The following MCTP1 variants were observed in gnomAD, a reference collection of about 807,000 sequenced individuals.
MCTP1 encodes multiple C2 and transmembrane domain-containing protein 1.
In MCTP1, 69 loss-of-function variants were observed where a neutral mutation model predicts 120.6. The observed-to-expected ratio is 0.57, with a 90% CI of 0.47 to 0.70. The LOEUF (loss-of-function observed/expected upper bound fraction) is 0.70, where lower values mean the gene tolerates loss of function less well. MCTP1 is among the 30% of genes least tolerant of loss of function. The pLI, the probability that MCTP1 is intolerant of heterozygous loss-of-function variation, is 0.00. For synonymous variants in MCTP1, 529 were observed against 493.1 expected (o/e 1.07, Z -0.96); for missense variants, 1,203 against 1,248.8 (o/e 0.96, Z 0.55).
chr5:95,272,009 T>C (rs1197647925), intron 1 of MCTP1, among the ~76,000 whole-genome samples: 1 of 152,170 alleles, frequency 6.6e-6, no homozygotes, highest in Non-Finnish European at 1.5e-5. Context: ...TTAAATGTAA[T>C]ACTATTACTT....
chr5:94,940,226 G>T, intron 4 of MCTP1, 31 bp from the exon 5 acceptor site: 2 of 1,293,826 alleles, frequency 1.5e-6, no homozygotes, highest in Non-Finnish European at 2.2e-6. Context: ...ATTTTGAACA[G>T]TCATTAAATG....
intron 1 of MCTP1, among the ~76,000 whole-genome samples, chr5:95,234,331 G>T (rs999832735): frequency 6.6e-6 from 1 of 152,148 alleles, no homozygotes; most frequent in Non-Finnish European, 1.5e-5. Flanking sequence ...ATTCCAAAGG[G>T]TAATAACCCA....
At chr5:95,148,085 T>C (rs1335257468) in intron 1 of MCTP1, among the ~76,000 whole-genome samples, 1 of 152,172 alleles carries the variant, frequency 6.6e-6, no homozygotes, top group Admixed American at 6.5e-5. Context: ...CCTATTGGGG[T>C]TCCTTTTGTA....
At chr5:94,778,608 C>T (rs1362258033) in intron 19 of MCTP1, among the ~76,000 whole-genome samples, 1 of 152,168 alleles carries the variant, frequency 6.6e-6, no homozygotes, top group African/African-American at 2.4e-5. Context: ...CCATTCCAAA[C>T]CTCGGCAAGG....
intron 1 of MCTP1, among the ~76,000 whole-genome samples, chr5:95,126,002 C>T (rs1022340552): frequency 3.9e-5 from 6 of 152,164 alleles, no homozygotes; most frequent in African/African-American, 1.2e-4. Flanking sequence ...AACTTTCTTT[C>T]GTGCCTCTTT....
In MCTP1 at chr5:94,909,253, G is replaced by T. The variant is rs1464383694; in HGVS notation, c.1650C>A (p.Gly550=). ...KDAGKRDDFI[G]RCQVDLSALS... Reference sequence around the variant, plus strand: ...CAAAAATTACAAATTGCACAAACCTGCCAATGAAATCATCCCTTTTCCCAG... The same window carrying T: ...CAAAAATTACAAATTGCACAAACCTTCCAATGAAATCATCCCTTTTCCCAG... The change falls in exon 10 of 23, where the codon GGC becomes GGA. Residue 550 remains glycine (G), a splice_region_variant and synonymous_variant. Transcript: ENST00000515393. 1.2e-6 allele frequency: 2 copies of T among 1,611,730 alleles called. No individual in the cohort carries two copies. The highest frequency in any genetic ancestry group is 4.5e-5 in the East Asian group (2 of 44,758).
chr5:94,708,587 C>CT lies in MCTP1; in HGVS notation c.2852dup (p.Leu952AlafsTer8). 1.9e-6 allele frequency: 3 copies of CT among 1,609,900 alleles called. No individual in the cohort carries two copies. Among genetic ancestry groups the CT allele is most frequent in the Middle Eastern group, 1.7e-4 (1 of 6,034 alleles). ...TATCAATTGCATATGGACTCCGAAG[C>CT]TTTTTTGTAAATTTATTGATGCCTG... On this transcript the variant is annotated frameshift_variant, in exon 22 of 23. Coordinates refer to ENST00000515393, the MANE Select transcript of MCTP1 (RefSeq NM_024717.7). LOFTEE classifies it high-confidence loss of function.
At chr5:94,883,262 G>A (rs548500327) in intron 12 of MCTP1, among the ~76,000 whole-genome samples, 1 of 152,246 alleles carries the variant, frequency 6.6e-6, no homozygotes, top group South Asian at 2.1e-4. Context: ...AGCAGGTGTT[G>A]TATATTTCTG....
At position 94,793,105 on chromosome 5, in the gene MCTP1, C is replaced by T. The variant is rs144199798; in HGVS notation, c.2556+5908G>A. 4.9e-3 allele frequency among the ~76,000 whole-genome samples: 752 copies of T among 152,164 alleles called. 3 individuals are homozygous for T. The highest frequency in any genetic ancestry group is 0.017 in the Middle Eastern group (5 of 294). Reference sequence around the variant, plus strand: ...GCAAAGTGGAAGGCCTGGTCATCTACTGAGAGGGAGGGGACAGTGGTGGGG... The same window carrying T: ...GCAAAGTGGAAGGCCTGGTCATCTATTGAGAGGGAGGGGACAGTGGTGGGG... On this transcript the variant is annotated intron_variant, in intron 18 of 22. Coordinates refer to ENST00000515393, the MANE Select transcript of MCTP1 (RefSeq NM_024717.7).
chr5:95,105,063 T>TA (rs1297657724), intron 1 of MCTP1, among the ~76,000 whole-genome samples: 2 of 152,180 alleles, frequency 1.3e-5, no homozygotes, highest in African/African-American at 2.4e-5. Context: ...AGTAGGCCTA[T>TA]AACAATCCAT....
At chr5:94,810,450 G>A (rs1783165950) in intron 17 of MCTP1, among the ~76,000 whole-genome samples, 1 of 152,096 alleles carries the variant, frequency 6.6e-6, no homozygotes, top group African/African-American at 2.4e-5. Context: ...GCAACAGCTG[G>A]CACTTCAGTT....
At chr5:94,787,426 C>G (rs1259078232) in intron 18 of MCTP1, among the ~76,000 whole-genome samples, 1 of 152,038 alleles carries the variant, frequency 6.6e-6, no homozygotes, top group East Asian at 1.9e-4. Flanking sequence ...TGTGGCAATG[C>G]TATTATCTTT....
At chr5:95,127,637 G>C (rs1159874671) in intron 1 of MCTP1, among the ~76,000 whole-genome samples, 2 of 152,122 alleles carry the variant, frequency 1.3e-5, no homozygotes, top group Admixed American at 1.3e-4. Context: ...GTGAATGCAG[G>C]GGTCAGTGTC....
At chr5:94,923,617 T>C (rs1372136676) in intron 7 of MCTP1, among the ~76,000 whole-genome samples, 1 of 152,126 alleles carries the variant, frequency 6.6e-6, no homozygotes, top group East Asian at 1.9e-4. Context: ...AATTCTAATC[T>C]CATTTTACAA....
chr5:94,800,449 G>A (rs1245006457), intron 17 of MCTP1, among the ~76,000 whole-genome samples: 2 of 152,080 alleles, frequency 1.3e-5, no homozygotes, highest in East Asian at 1.9e-4. Flanking sequence ...CAGCAGCATG[G>A]GACATTTGCA....
chr5:95,176,294 G>C (rs377459975), intron 1 of MCTP1, among the ~76,000 whole-genome samples: 3 of 152,288 alleles, frequency 2.0e-5, no homozygotes, highest in Admixed American at 1.3e-4. Flanking sequence ...GGAGGCAAAG[G>C]TGGGCAGATC....
intron 13 of MCTP1, among the ~76,000 whole-genome samples, chr5:94,872,929 G>A (rs1246486263): frequency 6.6e-6 from 1 of 152,028 alleles, no homozygotes; most frequent in Middle Eastern, 3.2e-3. Flanking sequence ...AAAAATGTCT[G>A]TGAAAACAAA....
chr5:94,967,804 G>T (rs918685532), intron 2 of MCTP1, among the ~76,000 whole-genome samples: 1 of 152,182 alleles, frequency 6.6e-6, no homozygotes, highest in African/African-American at 2.4e-5. Flanking sequence ...CATTAGCACA[G>T]GAAAAACAGA....
chr5:94,834,403 TA>T (rs1789225449), intron 17 of MCTP1, among the ~76,000 whole-genome samples: 2 of 152,200 alleles, frequency 1.3e-5, no homozygotes, highest in African/African-American at 4.8e-5. Context: ...AAGACACATA[TA>T]TTTTTTACAA....
Sources: allele counts gnomAD v4.1 joint callset (sites outside exome capture counted in the v4.1 genomes callset), GRCh38; gene constraint gnomAD v4.1.1; transcripts MANE v1.5; gene names NCBI Gene and HGNC (gene_info 2026-07-23, HGNC 2026-07-21).